MKRN2OS: variants seen among roughly 807,000 people sequenced by gnomAD.
MKRN2OS encodes the protein MKRN2 opposite strand protein.
A neutral mutation model predicts 18.2 loss-of-function variants in MKRN2OS; 17 were observed. That is an observed-to-expected ratio of 0.93 (90% confidence interval 0.64 to 1.40). The LOEUF is 1.40. MKRN2OS is among the 40% of genes most tolerant of loss of function. MKRN2OS has a pLI of 0.00. For missense variants in MKRN2OS, 337 were observed against 283.0 expected, an observed-to-expected ratio of 1.19 and a Z score of -1.37; for synonymous variants, 121 against 108.5, an observed-to-expected ratio of 1.12 and a Z score of -0.72.
intron 2 of MKRN2OS, among the ~76,000 whole-genome samples, chr3:12,542,243 A>C (rs2057825126): frequency 6.6e-6 from 1 of 152,176 alleles, no homozygotes; most frequent in African/African-American, 2.4e-5. Context: ...TTTCCTTGAG[A>C]GAAACCCAGT....
chr3:12,546,345 G>A (rs1422861055), upstream of MKRN2OS, among the ~76,000 whole-genome samples: 2 of 151,978 alleles, frequency 1.3e-5, no homozygotes, highest in African/African-American at 2.4e-5. Flanking sequence ...TAAGGATAGC[G>A]GTTACAGGAG....
upstream of MKRN2OS, among the ~76,000 whole-genome samples, chr3:12,546,204 C>A (rs917450173): frequency 6.6e-6 from 1 of 152,148 alleles, no homozygotes; most frequent in Non-Finnish European, 1.5e-5. Flanking sequence ...TTTGTTGTTG[C>A]ATAAATAAAT....
At chr3:12,547,724 G>A (rs572802986), upstream of MKRN2OS, among the ~76,000 whole-genome samples, 1 of 152,284 alleles carries the variant, frequency 6.6e-6, no homozygotes, top group South Asian at 2.1e-4. Context: ...TAATTCCAAA[G>A]ATAAGCAGTC....
chr3:12,554,461 T>C (rs1453881388), intron 1 of MKRN2OS, among the ~76,000 whole-genome samples: 1 of 149,790 alleles, frequency 6.7e-6, no homozygotes, highest in Non-Finnish European at 1.5e-5. Context: ...TGTATTATTT[T>C]TTCATAAATA....
At chr3:12,557,287 T>G in intron 1 of MKRN2OS, 1 of 1,397,640 alleles carries the variant, frequency 7.2e-7, no homozygotes, top group Non-Finnish European at 9.5e-7. Flanking sequence ...ACTCGGAAAG[T>G]TACTCGGCTG....
intron 1 of MKRN2OS, chr3:12,557,042 TGCGCCGGC>T: frequency 1.3e-6 from 1 of 781,734 alleles, no homozygotes; most frequent in Admixed American, 5.6e-5. Flanking sequence ...TGCGCCGGCG[TGCGCCGGC>T]GTGACGCGGC....
At chr3:12,557,115 G>A (rs1012768365) in intron 1 of MKRN2OS, 8 of 1,493,196 alleles carry the variant, frequency 5.4e-6, no homozygotes, top group African/African-American at 1.5e-5. Flanking sequence ...GCTGCGAGAG[G>A]CGGCGGCACG....
At chr3:12,543,905 AAAAAT>A (rs1359815599) in intron 1 of MKRN2OS, among the ~76,000 whole-genome samples, 5 of 152,150 alleles carry the variant, frequency 3.3e-5, no homozygotes, top group African/African-American at 9.6e-5. Context: ...AAAAAAAAAA[AAAAAT>A]AACAGTTTTA....
downstream of MKRN2OS, among the ~76,000 whole-genome samples, chr3:12,551,707 G>A (rs1216109730): frequency 6.7e-6 from 1 of 149,684 alleles, no homozygotes; most frequent in African/African-American, 2.5e-5. Flanking sequence ...AGGCCAAGTT[G>A]GGCAGATCAC....
At chr3:12,540,552 C>A in intron 3 of MKRN2OS, 119 bp from the exon 4 acceptor site, 1 of 1,203,554 alleles carries the variant, frequency 8.3e-7, no homozygotes, top group Non-Finnish European at 1.2e-6. Context: ...CCTGCATGTG[C>A]TGGCTTATGT....
chr3:12,545,170 A>G lies in MKRN2OS; in HGVS notation c.218+77T>C, dbSNP rs1681118077. 2.6e-5 allele frequency: 32 copies of G among 1,219,778 alleles called. No individual in the cohort carries two copies. The South Asian group carries it at 5.1e-4, about 20-fold the overall frequency. 75.6% of individuals were successfully genotyped at this position (1,219,778 alleles called of 1,614,324 possible). A position where few individuals can be genotyped will look rare whatever the true frequency, so the allele number is the denominator to read the frequency against. On this transcript the variant is annotated intron_variant, in intron 1 of 3. Transcript: ENST00000564146. ...ACCAAACCTCACACATTATGTATTA[A>G]GAAAAGGAAACTTTAGTGACTAAAA...
chr3:12,558,415 G>T (rs952655950), intron 1 of MKRN2OS, among the ~76,000 whole-genome samples: 1 of 152,148 alleles, frequency 6.6e-6, no homozygotes, highest in Non-Finnish European at 1.5e-5. Context: ...CTAGGTCATT[G>T]TGCACTGTAA....
At chr3:12,559,751 C>G (rs971844719) in intron 1 of MKRN2OS, among the ~76,000 whole-genome samples, 1 of 152,086 alleles carries the variant, frequency 6.6e-6, no homozygotes, top group African/African-American at 2.4e-5. Context: ...TTTGCTGATT[C>G]CCCTCCCCCA....
intron 3 of MKRN2OS, among the ~76,000 whole-genome samples, chr3:12,541,552 T>C (rs1040273352): frequency 1.3e-5 from 2 of 152,160 alleles, no homozygotes; most frequent in African/African-American, 2.4e-5. Flanking sequence ...TAAGGAAATA[T>C]AATATCGTGA....
At chr3:12,548,482 AC>A (rs1293594316), upstream of MKRN2OS, among the ~76,000 whole-genome samples, 25,077 of 47,910 alleles carry the variant, frequency 0.52, 5,964 homozygotes, top group Middle Eastern at 0.62. Flanking sequence ...AAAAAAAAAA[AC>A]CAGCCGAGCG....
upstream of MKRN2OS, among the ~76,000 whole-genome samples, chr3:12,545,784 C>G (rs2057877199): frequency 6.6e-6 from 1 of 152,192 alleles, no homozygotes; most frequent in African/African-American, 2.4e-5. Context: ...AGTGGCAGCG[C>G]TGGATTCATA....
intron 1 of MKRN2OS, among the ~76,000 whole-genome samples, chr3:12,557,906 C>T (rs545128460): frequency 3.3e-5 from 5 of 152,318 alleles, no homozygotes; most frequent in African/African-American, 1.2e-4. Context: ...AGAAAATAGC[C>T]AGATAGCTAC....
chr3:12,545,355 C>T lies in MKRN2OS; in HGVS notation c.110G>A (p.Gly37Asp), dbSNP rs2057871625. The change falls in exon 1 of 4, where the codon GGC (glycine) becomes GAC (aspartate). Residue 37 changes from glycine (G) to aspartate (D), a missense_variant. By Grantham distance (94) the Gly-to-Asp change is moderately conservative. Coordinates refer to ENST00000564146, the MANE Select transcript of MKRN2OS (RefSeq NM_001195279.2). ...AGGTGCGTCCTCCAGCTTCCTCGAG[C>T]CCAGGTCCTGCTGGCAGAGAGGGCA... ...QCCPLCQQDLGSRKLEDAPVS... is the reference protein window; with the variant it reads ...QCCPLCQQDLDSRKLEDAPVS... The T allele has an allele frequency of 6.5e-7, 1 of 1,535,944 alleles. No individual in the cohort carries two copies. The highest frequency in any genetic ancestry group is 8.7e-7 in the Non-Finnish European group (1 of 1,146,888).
At chr3:12,549,881 G>C (rs936652066), upstream of MKRN2OS, among the ~76,000 whole-genome samples, 2 of 152,106 alleles carry the variant, frequency 1.3e-5, no homozygotes, top group East Asian at 1.9e-4. Flanking sequence ...ATTTCTTATA[G>C]GGCAAGTTTT....
Sources: gnomAD v4.1 joint callset for allele counts (sites outside exome capture counted in the v4.1 genomes callset) on GRCh38, gnomAD v4.1.1 for gene constraint, MANE v1.5 for transcripts, NCBI Gene and HGNC (gene_info 2026-07-23, HGNC 2026-07-21) for gene names.